Variants in SNX29 observed in about 807,000 individuals in gnomAD.
SNX29 encodes the protein sorting nexin-29.
SNX29 carries 78 observed loss-of-function variants against 102.1 expected under a neutral mutation model. The ratio of observed to expected loss-of-function variants is 0.76; its 90% CI spans 0.64 to 0.92. The LOEUF (loss-of-function observed/expected upper bound fraction) is 0.92. SNX29 is among the 40% of genes least tolerant of loss of function. The probability of loss-of-function intolerance (pLI) is 0.00; values close to 1 mark genes in which losing one functional copy is unlikely to be tolerated. For synonymous variants in SNX29, 580 were observed against 414.5 expected, an observed-to-expected ratio of 1.40 and a Z score of -4.85; for missense variants, 1,280 against 1,061.7, an observed-to-expected ratio of 1.21 and a Z score of -2.86.
intron 1 of SNX29, among the ~76,000 whole-genome samples, chr16:11,998,832 G>A (rs965343123): frequency 6.6e-6 from 1 of 152,092 alleles, no homozygotes; most frequent in African/African-American, 2.4e-5. Flanking sequence ...GGAAAAGGAT[G>A]TTGGAGATGA....
chr16:12,530,510 T>G (rs210721), intron 20 of SNX29, among the ~76,000 whole-genome samples: 50,116 of 151,874 alleles, frequency 0.33, 8,890 homozygotes, highest in East Asian at 0.59. Flanking sequence ...GTAAGTCAAA[T>G]AGAAACTCCA....
At chr16:12,422,922 T>C (rs1316686341) in intron 18 of SNX29, among the ~76,000 whole-genome samples, 1 of 152,208 alleles carries the variant, frequency 6.6e-6, no homozygotes, top group Non-Finnish European at 1.5e-5. Flanking sequence ...TGGAAATGCA[T>C]TTCTGTATCT....
chr16:12,221,844 G>A (rs1240245770), intron 14 of SNX29, among the ~76,000 whole-genome samples: 1 of 152,154 alleles, frequency 6.6e-6, no homozygotes, highest in Non-Finnish European at 1.5e-5. Flanking sequence ...TTCCCCGCAT[G>A]ATCCCGTGCT....
chr16:12,558,238 C>T (rs79790599), intron 20 of SNX29, among the ~76,000 whole-genome samples: 36,425 of 152,088 alleles, frequency 0.24, 4,692 homozygotes, highest in East Asian at 0.43. Context: ...TCAGCCCCCC[C>T]AGTAGATGGT....
chr16:12,532,398 C>A (rs997530273), intron 20 of SNX29, among the ~76,000 whole-genome samples: 1 of 152,136 alleles, frequency 6.6e-6, no homozygotes. Context: ...TGTTTCCCAG[C>A]GTTTGTATAT....
chr16:12,088,284 C>A (rs1052085853), intron 11 of SNX29: 1 of 362,988 alleles, frequency 2.8e-6, no homozygotes, highest in Non-Finnish European at 5.5e-6. Context: ...AGAGCAGGGG[C>A]GGGTGTTGGG....
At chr16:12,362,553 T>TCCCCCCCCCCCTCCCC (rs1199911670) in intron 16 of SNX29, among the ~76,000 whole-genome samples, 1 of 11,060 alleles carries the variant, frequency 9.0e-5, no homozygotes, top group African/African-American at 3.0e-4. Flanking sequence ...GCTGCTGCAC[T>TCCCCCCCCCCCTCCCC]CCCCCCCCAC....
chr16:12,012,172 T>C, intron 3 of SNX29, among the ~76,000 whole-genome samples: 1 of 152,174 alleles, frequency 6.6e-6, no homozygotes, highest in East Asian at 1.9e-4. Context: ...TATGGTGACC[T>C]GTAATAAATA....
intron 16 of SNX29, among the ~76,000 whole-genome samples, chr16:12,390,145 GA>G (rs2083472244): frequency 1.6e-5 from 2 of 122,792 alleles, no homozygotes; most frequent in Admixed American, 1.7e-4. Flanking sequence ...GCGTGCAATT[GA>G]GGGGTGTGTG....
chr16:12,358,368 G>A (rs988284144), intron 16 of SNX29, among the ~76,000 whole-genome samples: 1 of 152,142 alleles, frequency 6.6e-6, no homozygotes, highest in Non-Finnish European at 1.5e-5. Flanking sequence ...TCAGGAGTTC[G>A]AGACCAGCCT....
At position 12,073,803 on chromosome 16, in the gene SNX29, A is replaced by C. The variant is rs1214183553; in HGVS notation, c.1319+4671A>C. Among the ~76,000 whole-genome samples the C allele has an allele frequency of 2.0e-5, 3 of 152,118 alleles. No individual in the cohort carries two copies. In the East Asian group the frequency reaches 5.8e-4, roughly 29 times the overall value. On this transcript the variant is annotated intron_variant, in intron 10 of 20. Transcript: ENST00000566228. ...TCTCATTATTATTGTGTGGGAGTCT[A>C]AGTCTCTTTGTAGGTCACTCAGGAC...
intron 15 of SNX29, among the ~76,000 whole-genome samples, chr16:12,283,037 AG>A (rs2079485030): frequency 6.6e-6 from 1 of 152,176 alleles, no homozygotes; most frequent in South Asian, 2.1e-4. Context: ...GGTTCTGGAG[AG>A]GAGGCACACT....
At chr16:12,534,763 G>T (rs1013700787) in intron 20 of SNX29, among the ~76,000 whole-genome samples, 6 of 152,158 alleles carry the variant, frequency 3.9e-5, no homozygotes, top group African/African-American at 1.4e-4. Flanking sequence ...CTTTCTTTCT[G>T]CGTCTACCCC....
chr16:12,324,616 T>C (rs113987211), intron 15 of SNX29, among the ~76,000 whole-genome samples: 19 of 152,244 alleles, frequency 1.2e-4, no homozygotes, highest in Admixed American at 1.2e-3. Flanking sequence ...AAAACCTGTT[T>C]GCAACCTCTG....
At chr16:12,558,542 G>C (rs1171844811) in intron 20 of SNX29, among the ~76,000 whole-genome samples, 6 of 152,174 alleles carry the variant, frequency 3.9e-5, no homozygotes, top group African/African-American at 1.4e-4. Context: ...ACACCCCACA[G>C]TGCCATGCCT....
At chr16:12,066,174 G>A (rs1031442959) in intron 9 of SNX29, among the ~76,000 whole-genome samples, 11 of 152,200 alleles carry the variant, frequency 7.2e-5, no homozygotes, top group Non-Finnish European at 1.5e-4. Context: ...TTGAGTCCCT[G>A]TCTTTGCTTC....
chr16:12,540,062 G>A (rs1393477324), intron 20 of SNX29, among the ~76,000 whole-genome samples: 2 of 152,156 alleles, frequency 1.3e-5, no homozygotes, highest in Non-Finnish European at 2.9e-5. Context: ...CCCAGATCAT[G>A]CTTTTGGTGT....
At chr16:12,166,165 C>T (rs114789058) in intron 13 of SNX29, among the ~76,000 whole-genome samples, 1 of 152,220 alleles carries the variant, frequency 6.6e-6, no homozygotes, top group Non-Finnish European at 1.5e-5. Flanking sequence ...AAAGTGGATA[C>T]ATTAATTCAT....
At chr16:12,251,648 A>C (rs566693884) in intron 14 of SNX29, among the ~76,000 whole-genome samples, 1 of 152,336 alleles carries the variant, frequency 6.6e-6, no homozygotes, top group East Asian at 1.9e-4. Context: ...GGTTGCAGTG[A>C]GCTGAGATCG....
Sources: gnomAD v4.1 joint callset for allele counts (sites outside exome capture counted in the v4.1 genomes callset) on GRCh38, gnomAD v4.1.1 for gene constraint, MANE v1.5 for transcripts, NCBI Gene and HGNC (gene_info 2026-07-23, HGNC 2026-07-21) for gene names.